ARID1A: variants seen among roughly 807,000 people sequenced by gnomAD.
The protein encoded by ARID1A is AT-rich interactive domain-containing protein 1A.
Under a neutral mutation model 212.6 loss-of-function variants are expected in ARID1A, and 20 were observed. The observed-to-expected ratio is 0.09, with a 90% confidence interval of 0.07 to 0.14. The LOEUF is 0.14. ARID1A is among the 10% of genes least tolerant of loss of function. The pLI is 1.00. For synonymous variants in ARID1A, 1,376 were observed against 1,222.1 expected (o/e 1.13, Z -2.63); for missense variants, 2,587 against 3,059.0 (o/e 0.85, Z 3.64).
chr1:26,711,498 A>G (rs12730386), intron 1 of ARID1A, among the ~76,000 whole-genome samples: 9,042 of 151,980 alleles, frequency 0.059, 327 homozygotes, highest in Non-Finnish European at 0.08. Flanking sequence ...TTACCTCCCA[A>G]AGGCCCCACC....
chr1:26,774,147 A>G lies in ARID1A; in HGVS notation c.4102-182A>G. The stretch of plus-strand genomic sequence containing the variant: ...TATATTTTTCTACTTAAGCAAGGGA[A>G]GGGAAGAAAGAGTGGTGGTTGCTTT... On this transcript the variant is annotated intron_variant, in intron 17 of 19. Coordinates refer to ENST00000324856, the MANE Select transcript of ARID1A (RefSeq NM_006015.6). This position sits in a 1 kb window ranked among gnomAD's most constrained non-coding sequence, Gnocchi z 5.6. 1.6e-6 allele frequency: 2 copies of G among 1,249,750 alleles called. No individual in the cohort carries two copies. Among genetic ancestry groups the G allele is most frequent in the Non-Finnish European group, 2.2e-6 (2 of 926,510 alleles). The allele number at this position is 1,249,750 out of a possible 1,614,324, so 77.4% of individuals were successfully genotyped here. A position where few individuals can be genotyped will look rare whatever the true frequency, so the allele number is the denominator to read the frequency against.
chr1:26,697,984 A>G (rs1020059554), intron 1 of ARID1A, among the ~76,000 whole-genome samples: 7 of 151,848 alleles, frequency 4.6e-5, no homozygotes, highest in African/African-American at 1.7e-4. Context: ...GCCGCCCCCC[A>G]TCTGTGCTTT....
At chr1:26,697,677 TTC>T (rs1217977512) in intron 1 of ARID1A, 137 bp downstream of exon 1, 7 of 906,054 alleles carry the variant, frequency 7.7e-6, no homozygotes, top group Admixed American at 4.3e-5. Flanking sequence ...TGTCTGGCTC[TTC>T]TCTCTTAAAA....
At chr1:26,763,395 G>A in intron 8 of ARID1A, 110 bp downstream of exon 8, 2 of 1,243,786 alleles carry the variant, frequency 1.6e-6, no homozygotes, top group Non-Finnish European at 1.1e-6. Context: ...ATGGGTGTGT[G>A]TGTATGAAGT....
intron 4 of ARID1A, among the ~76,000 whole-genome samples, chr1:26,733,268 T>G (rs1004036940): frequency 5.3e-5 from 8 of 151,718 alleles, no homozygotes; most frequent in Admixed American, 5.3e-4. Flanking sequence ...TTTTTTTTTT[T>G]ATTTTTGGTA....
intron 19 of ARID1A, chr1:26,778,068 CAAA>C (rs35541790): frequency 4.6e-4 from 47 of 101,104 alleles, no homozygotes; most frequent in African/African-American, 7.4e-4. Flanking sequence ...GACTCTGTCT[CAAA>C]AAAAAAAAAA....
Position 26,697,372 on chromosome 1 carries a change from G to A in ARID1A, c.969G>A (p.Gly323=), listed in dbSNP as rs1239883037. Reference sequence around the variant, plus strand: ...ACTACAGTGGCGGGCCCCAGGACGGGGGCGCCGGCAAGGGCCCGGCGGACA... The same window carrying A: ...ACTACAGTGGCGGGCCCCAGGACGGAGGCGCCGGCAAGGGCCCGGCGGACA... ...GGDYSGGPQD[G]GAGKGPADMA... Residue 323 remains glycine (G), a synonymous_variant, in exon 1 of 20, where the codon GGG becomes GGA. Coordinates refer to ENST00000324856, the MANE Select transcript of ARID1A (RefSeq NM_006015.6). 2 of 1,316,708 alleles carry A rather than the reference G, an allele frequency of 1.5e-6. No homozygotes were observed. The highest frequency in any genetic ancestry group is 4.2e-5 in the Admixed American group (1 of 24,006). The allele number at this position is 1,316,708 out of a possible 1,614,324, so 81.6% of individuals were successfully genotyped here. A position where few individuals can be genotyped will look rare whatever the true frequency, so the allele number is the denominator to read the frequency against.
chr1:26,736,304 T>C (rs1349412971), intron 4 of ARID1A, among the ~76,000 whole-genome samples: 9 of 123,492 alleles, frequency 7.3e-5, no homozygotes, highest in African/African-American at 2.5e-4. Flanking sequence ...CCAGCCTAGT[T>C]GACAGTGAAC....
chr1:26,761,133 G>A (rs774169344), intron 5 of ARID1A, 37 bp downstream of exon 5: 2 of 1,605,826 alleles, frequency 1.2e-6, no homozygotes, highest in South Asian at 1.1e-5. Context: ...AGAGGGAAAG[G>A]TGACTGCCCC....
intron 1 of ARID1A, among the ~76,000 whole-genome samples, chr1:26,718,534 C>T (rs1485769023): frequency 6.6e-6 from 1 of 152,102 alleles, no homozygotes; most frequent in Admixed American, 6.5e-5. Context: ...TTCCAGGACT[C>T]CCTGAGGATA....
rs1376608214 is a variant in ARID1A, at chr1:26,696,412, G to A, written c.9G>A (p.Ala3=). ...ACGAGACAGCGGGGATCATGGCCGC[G>A]CAGGTCGCCCCCGCCGCCGCCAGCA... is the stretch of plus-strand genomic sequence containing the variant. MA[A]QVAPAAASSL... is the part of the protein sequence containing the mutation. Residue 3 remains alanine, a synonymous_variant, in exon 1 of 20, where the codon GCG becomes GCA. Transcript: ENST00000324856. 3 of 1,282,574 alleles carry A rather than the reference G, an allele frequency of 2.3e-6. No individual in the cohort carries two copies. Among genetic ancestry groups the A allele is most frequent in the South Asian group, 2.4e-5 (1 of 42,516 alleles). 79.4% of individuals were successfully genotyped at this position (1,282,574 alleles called of 1,614,324 possible).
chr1:26,707,353 C>T (rs562713978), intron 1 of ARID1A, among the ~76,000 whole-genome samples: 1 of 151,804 alleles, frequency 6.6e-6, no homozygotes, highest in South Asian at 2.1e-4. Flanking sequence ...GGACTACAGG[C>T]GCCTTCCACC....
chr1:26,764,094 C>G (rs996788036), intron 8 of ARID1A, among the ~76,000 whole-genome samples: 1 of 152,184 alleles, frequency 6.6e-6, no homozygotes, highest in South Asian at 2.1e-4. Flanking sequence ...CTCAGCCTCC[C>G]AAGTAGCTGG....
At chr1:26,743,800 A>AG (rs2080810325) in intron 4 of ARID1A, among the ~76,000 whole-genome samples, 1 of 152,066 alleles carries the variant, frequency 6.6e-6, no homozygotes, top group East Asian at 1.9e-4. Flanking sequence ...AAAAAAAAAA[A>AG]AAATTAAAAC....
chr1:26,757,426 C>T (rs897712633), intron 4 of ARID1A, among the ~76,000 whole-genome samples: 1 of 147,254 alleles, frequency 6.8e-6, no homozygotes, highest in Non-Finnish European at 1.5e-5. Context: ...GCCGCGATAG[C>T]GCCACTGCAC....
chr1:26,706,348 A>C (rs2080392150), intron 1 of ARID1A, among the ~76,000 whole-genome samples: 1 of 152,084 alleles, frequency 6.6e-6, no homozygotes, highest in African/African-American at 2.4e-5. Flanking sequence ...TTGCTTGTTT[A>C]TAGGCATCTC....
At chr1:26,737,345 T>A (rs1287137208) in intron 4 of ARID1A, among the ~76,000 whole-genome samples, 1 of 152,130 alleles carries the variant, frequency 6.6e-6, no homozygotes, top group Non-Finnish European at 1.5e-5. Flanking sequence ...CTCGAATTCC[T>A]GAGCTCAAGC....
intron 1 of ARID1A, among the ~76,000 whole-genome samples, chr1:26,724,668 C>G (rs1304806534): frequency 6.6e-6 from 1 of 152,146 alleles, no homozygotes; most frequent in Admixed American, 6.5e-5. Context: ...TTATTTCAGC[C>G]GTTTTTGGGG....
chr1:26,705,286 C>T (rs1424905251), intron 1 of ARID1A, among the ~76,000 whole-genome samples: 2 of 152,094 alleles, frequency 1.3e-5, no homozygotes, highest in African/African-American at 2.4e-5. Flanking sequence ...TATAGGCTTC[C>T]ACCACCATGC....
Sources: gnomAD v4.1 joint callset for allele counts (sites outside exome capture counted in the v4.1 genomes callset) on GRCh38, gnomAD v4.1.1 for gene constraint, Gnocchi (gnomAD v3.1) non-coding constraint, MANE v1.5 for transcripts, NCBI Gene and HGNC (gene_info 2026-07-23, HGNC 2026-07-21) for gene names.